FNDC3B: variants seen among roughly 807,000 people sequenced by gnomAD.
FNDC3B encodes fibronectin type III domain containing 3B, also known as fibronectin type III domain-containing protein 3B.
In FNDC3B, 12 loss-of-function variants were observed where a neutral mutation model predicts 151.5. The observed-to-expected ratio is 0.08, with a 90% CI of 0.05 to 0.13. FNDC3B has a LOEUF of 0.13. FNDC3B is among the 10% of genes least tolerant of loss of function. The pLI, the probability that FNDC3B is intolerant of heterozygous loss-of-function variation, is 1.00. For missense variants in FNDC3B, 1,214 were observed against 1,505.3 expected, an observed-to-expected ratio of 0.81 and a Z score of 3.20; for synonymous variants, 528 against 549.0, an observed-to-expected ratio of 0.96 and a Z score of 0.54.
At chr3:172,066,949 C>T (rs188211879) in intron 1 of FNDC3B, among the ~76,000 whole-genome samples, 3 of 152,288 alleles carry the variant, frequency 2.0e-5, no homozygotes, top group African/African-American at 7.2e-5. Context: ...ATATACAATA[C>T]TCTCTTTTTG....
chr3:172,371,384 T>C (rs35197233), intron 23 of FNDC3B, among the ~76,000 whole-genome samples: 7 of 152,122 alleles, frequency 4.6e-5, no homozygotes, highest in African/African-American at 1.7e-4. Flanking sequence ...TCCACAGATA[T>C]GGAACCTAGG....
chr3:172,338,258 G>A (rs1345197185), intron 16 of FNDC3B: 2 of 145,200 alleles, frequency 1.4e-5, no homozygotes, highest in African/African-American at 5.1e-5. Flanking sequence ...AGGTTGCAGT[G>A]AGCTGAGATT....
In FNDC3B at chr3:172,316,396, T is replaced by C. The variant is rs1230128718; in HGVS notation, c.1254+5515T>C. 6 of 455,332 alleles carry C rather than the reference T, an allele frequency of 1.3e-5. 1 individual carries two copies. Among genetic ancestry groups the C allele is most frequent in the South Asian group, 7.7e-5 (5 of 64,528 alleles). The allele number at this position is 455,332 out of a possible 1,614,324, so 28.2% of individuals were successfully genotyped here. A position where few individuals can be genotyped will look rare whatever the true frequency, so the allele number is the denominator to read the frequency against. On this transcript the variant is annotated intron_variant, in intron 11 of 25. Transcript: ENST00000415807. ...GAAGGATTGAGGATATAGAGGGCTC[T>C]AGGTTAGGGAAGGGCTTTTAGGAAA...
intron 3 of FNDC3B, among the ~76,000 whole-genome samples, chr3:172,140,671 C>T (rs1009844562): frequency 4.6e-5 from 7 of 152,170 alleles, no homozygotes; most frequent in Non-Finnish European, 1.0e-4. Flanking sequence ...AGAGCAAAGG[C>T]TGTGATTGTA....
At chr3:172,124,460 T>G (rs537397728) in intron 2 of FNDC3B, among the ~76,000 whole-genome samples, 37 of 152,358 alleles carry the variant, frequency 2.4e-4, no homozygotes, top group African/African-American at 7.5e-4. Flanking sequence ...GTGTGAATGC[T>G]GTCTTTGGAG....
At chr3:172,323,569 G>T (rs1342197778) in intron 11 of FNDC3B, among the ~76,000 whole-genome samples, 2 of 152,170 alleles carry the variant, frequency 1.3e-5, no homozygotes, top group Non-Finnish European at 2.9e-5. Flanking sequence ...TTTCTCCCTT[G>T]TGGGGGGAAA....
intron 12 of FNDC3B, chr3:172,329,302 G>C (rs765957563): frequency 2.3e-6 from 1 of 430,176 alleles, no homozygotes; most frequent in African/African-American, 2.0e-5. Flanking sequence ...CCCCACTAGG[G>C]GTCTCTAAGA....
At chr3:172,052,306 G>A (rs984074031) in intron 1 of FNDC3B, among the ~76,000 whole-genome samples, 2 of 151,258 alleles carry the variant, frequency 1.3e-5, no homozygotes, top group Non-Finnish European at 2.9e-5. Context: ...TGGAAGTCTT[G>A]GGCTCAAGCG....
intron 11 of FNDC3B, among the ~76,000 whole-genome samples, chr3:172,320,217 T>C (rs1051603776): frequency 1.3e-5 from 2 of 151,868 alleles, no homozygotes; most frequent in Admixed American, 6.6e-5. Context: ...CTGTCTCTAC[T>C]AAAAATACAA....
chr3:172,321,838 C>T (rs1732102578), intron 11 of FNDC3B: 1 of 161,098 alleles, frequency 6.2e-6, no homozygotes, highest in Non-Finnish European at 1.3e-5. Flanking sequence ...AGGTGATCCA[C>T]CCGCCTCGGC....
intron 9 of FNDC3B, among the ~76,000 whole-genome samples, chr3:172,299,531 A>G (rs1219103322): frequency 1.3e-5 from 2 of 152,244 alleles, no homozygotes; most frequent in East Asian, 3.8e-4. Flanking sequence ...CACTAAAAAA[A>G]CTTTTTTTTA....
chr3:172,140,428 C>G (rs1721567317), intron 3 of FNDC3B, among the ~76,000 whole-genome samples: 1 of 152,180 alleles, frequency 6.6e-6, no homozygotes, highest in South Asian at 2.1e-4. Flanking sequence ...TACTCTTGAT[C>G]TCTGAAATGT....
chr3:172,076,308 A>G (rs1040544045), intron 1 of FNDC3B, among the ~76,000 whole-genome samples: 1 of 152,212 alleles, frequency 6.6e-6, no homozygotes, highest in African/African-American at 2.4e-5. Flanking sequence ...TTGGTGCTTG[A>G]GGACACTGCA....
At chr3:172,044,422 T>C (rs1432412378) in intron 1 of FNDC3B, among the ~76,000 whole-genome samples, 2 of 152,198 alleles carry the variant, frequency 1.3e-5, no homozygotes, top group Non-Finnish European at 2.9e-5. Flanking sequence ...TCCATAGTTA[T>C]GGTACTGTCC....
At chr3:172,249,123 A>G (rs1727936174) in intron 5 of FNDC3B, among the ~76,000 whole-genome samples, 1 of 152,056 alleles carries the variant, frequency 6.6e-6, no homozygotes, top group African/African-American at 2.4e-5. Flanking sequence ...TAATGTATTC[A>G]GTGCTTTGAC....
intron 11 of FNDC3B, among the ~76,000 whole-genome samples, chr3:172,311,612 A>G (rs1433543161): frequency 2.0e-5 from 3 of 151,888 alleles, no homozygotes; most frequent in Admixed American, 2.0e-4. Flanking sequence ...CACGCCTGTA[A>G]TCCCAGCACT....
rs550745114 is a variant in FNDC3B, at chr3:172,338,890, CTA to C, written c.1852+1490_1852+1491del. ...TAGCTGGGACTACAGACGCCCACCACTAGGCCGGCTAATTTTTTTTGAATTTT... is the reference window on the plus strand; with the variant it reads ...TAGCTGGGACTACAGACGCCCACCACGGCCGGCTAATTTTTTTTGAATTTT... On this transcript the variant is annotated intron_variant, in intron 16 of 25. Transcript: ENST00000415807. 3.0e-4 allele frequency among the ~76,000 whole-genome samples: 45 copies of C among 152,118 alleles called. 1 individual carries two copies. The East Asian group carries it at 7.3e-3, about 25-fold the overall frequency.
At chr3:172,063,756 C>T (rs1717346050) in intron 1 of FNDC3B, among the ~76,000 whole-genome samples, 1 of 152,140 alleles carries the variant, frequency 6.6e-6, no homozygotes. Flanking sequence ...ATCTCTAATG[C>T]CTTTTCTAGC....
chr3:172,222,685 G>A (rs1726341756), intron 3 of FNDC3B, among the ~76,000 whole-genome samples: 1 of 152,134 alleles, frequency 6.6e-6, no homozygotes, highest in South Asian at 2.1e-4. Flanking sequence ...GGAATCTAAT[G>A]CCGCTGCCGA....
Sources: gnomAD v4.1 joint callset for allele counts (sites outside exome capture counted in the v4.1 genomes callset) on GRCh38, gnomAD v4.1.1 for gene constraint, MANE v1.5 for transcripts, NCBI Gene and HGNC (gene_info 2026-07-23, HGNC 2026-07-21) for gene names.